The following FHIP1A variants were observed in gnomAD, a reference collection of about 807,000 sequenced individuals.
FHIP1A encodes FHF complex subunit HOOK interacting protein 1A.
Under a neutral mutation model 88.6 loss-of-function variants are expected in FHIP1A, and 61 were observed. That is an observed-to-expected ratio of 0.69 (90% CI 0.56 to 0.85). The LOEUF is 0.85. Among genes scored for constraint, FHIP1A ranks in the 40% least tolerant of loss-of-function variants. FHIP1A has a pLI of 0.00. For missense variants in FHIP1A, 1,154 were observed against 1,273.5 expected, an observed-to-expected ratio of 0.91 and a Z score of 1.43; for synonymous variants, 478 against 496.0, an observed-to-expected ratio of 0.96 and a Z score of 0.48.
At chr4:151,662,361 T>G in intron 13 of FHIP1A, 140 bp from the exon 14 acceptor site, 1 of 846,786 alleles carries the variant, frequency 1.2e-6, no homozygotes, top group Non-Finnish European at 1.7e-6. Context: ...GGCTGCATCT[T>G]CAGGATTTAG....
chr4:151,650,370 C>A lies in FHIP1A; in HGVS notation c.2329C>A (p.Pro777Thr). The change falls in exon 11 of 14, where the codon CCT becomes ACT. Residue 777 changes from proline (P) to threonine (T), a missense_variant. Physicochemically the swap from Pro to Thr is conservative, Grantham distance 38. Transcript: ENST00000435205. The part of the protein sequence containing the change: ...EGLMEQNYPT[P>T]DPLLLTKEEE... Reference sequence around the variant, plus strand: ...CTTGATGGAACAGAATTACCCCACACCTGATCCCTTGCTTCTCACTAAGGA... The same window carrying A: ...CTTGATGGAACAGAATTACCCCACAACTGATCCCTTGCTTCTCACTAAGGA... 1 of 1,551,658 alleles carries A rather than the reference C, an allele frequency of 6.4e-7. No homozygotes were observed. The highest frequency in any genetic ancestry group is 8.7e-7 in the Non-Finnish European group (1 of 1,146,990).
chr4:151,483,387 T>C (rs528837935), intron 3 of FHIP1A, among the ~76,000 whole-genome samples: 3 of 152,150 alleles, frequency 2.0e-5, no homozygotes, highest in African/African-American at 7.2e-5. Flanking sequence ...AATTTCATAT[T>C]AGTAGGCCTG....
chr4:151,481,743 C>A (rs1729902906), intron 2 of FHIP1A, among the ~76,000 whole-genome samples: 1 of 152,060 alleles, frequency 6.6e-6, no homozygotes, highest in Admixed American at 6.6e-5. Flanking sequence ...ATTGTGATAT[C>A]AAATAGTGGC....
chr4:151,549,356 A>G (rs62329087), intron 3 of FHIP1A, among the ~76,000 whole-genome samples: 44,057 of 151,888 alleles, frequency 0.29, 6,632 homozygotes, highest in Non-Finnish European at 0.34. Context: ...CTTTGAAGAG[A>G]AACTTGGGGT....
chr4:151,645,013 A>G (rs114737516), intron 9 of FHIP1A, among the ~76,000 whole-genome samples: 1,920 of 152,154 alleles, frequency 0.013, 38 homozygotes, highest in African/African-American at 0.044. Context: ...TGCAGCATTC[A>G]TTTTTCCTCA....
intron 3 of FHIP1A, among the ~76,000 whole-genome samples, chr4:151,489,183 C>T (rs559636320): frequency 2.6e-5 from 4 of 152,184 alleles, no homozygotes; most frequent in Non-Finnish European, 5.9e-5. Context: ...AAATCCAGCT[C>T]ACAGGAGAAG....
rs759620542 is a variant in FHIP1A at position 151,665,564 on chromosome 4, G to A, written c.*2810G>A. ...GAGAGTGGGTTATTTAGGGAGTGACGTGGACATGCCAAAGAAAAACAGCAG... is the reference window on the plus strand; with the variant it reads ...GAGAGTGGGTTATTTAGGGAGTGACATGGACATGCCAAAGAAAAACAGCAG... On this transcript the variant is annotated 3_prime_UTR_variant, in exon 14 of 14. Coordinates refer to ENST00000435205, the MANE Select transcript of FHIP1A (RefSeq NM_001109977.3). Among the ~76,000 whole-genome samples, 8 of 152,178 alleles carry A rather than the reference G, an allele frequency of 5.3e-5. No individual in the cohort carries two copies. The highest frequency in any genetic ancestry group is 1.9e-4 in the African/African-American group (8 of 41,434).
chr4:151,438,842 C>T (rs1728305020), intron 1 of FHIP1A, among the ~76,000 whole-genome samples: 1 of 151,814 alleles, frequency 6.6e-6, no homozygotes, highest in African/African-American at 2.4e-5. Context: ...TGGGGTCTTG[C>T]TGTGTTGCTC....
At chr4:151,564,508 G>A (rs1369869601) in intron 3 of FHIP1A, among the ~76,000 whole-genome samples, 10 of 152,180 alleles carry the variant, frequency 6.6e-5, no homozygotes, top group Admixed American at 5.9e-4. Flanking sequence ...CTGTGGGGAC[G>A]GGAGAATGCG....
At chr4:151,607,960 C>T (rs1735137417) in intron 7 of FHIP1A, among the ~76,000 whole-genome samples, 1 of 150,588 alleles carries the variant, frequency 6.6e-6, no homozygotes, top group African/African-American at 2.4e-5. Flanking sequence ...TGCTCCTTAA[C>T]ATACTTTTAC....
chr4:151,610,787 A>G (rs1735292733), intron 7 of FHIP1A, among the ~76,000 whole-genome samples: 1 of 152,182 alleles, frequency 6.6e-6, no homozygotes, highest in East Asian at 1.9e-4. Flanking sequence ...GCAGGCATAG[A>G]CAATAACTCT....
chr4:151,595,604 T>C (rs944836589), intron 7 of FHIP1A, among the ~76,000 whole-genome samples: 20 of 152,204 alleles, frequency 1.3e-4, no homozygotes, highest in African/African-American at 4.6e-4. Context: ...CTCATTGATC[T>C]GTCTAATATT....
intron 2 of FHIP1A, among the ~76,000 whole-genome samples, chr4:151,458,830 G>A (rs1354110512): frequency 4.6e-5 from 7 of 151,952 alleles, no homozygotes; most frequent in Admixed American, 6.6e-5. Flanking sequence ...CCACAGAGTC[G>A]CTTTTCTTGG....
intron 1 of FHIP1A, among the ~76,000 whole-genome samples, chr4:151,410,777 T>C (rs1164862403): frequency 6.6e-6 from 1 of 152,246 alleles, no homozygotes; most frequent in Non-Finnish European, 1.5e-5. Context: ...TACAGTATAC[T>C]TGTTGGCTTT....
chr4:151,558,446 A>T (rs1005249669), intron 3 of FHIP1A, among the ~76,000 whole-genome samples: 1 of 152,152 alleles, frequency 6.6e-6, no homozygotes, highest in Non-Finnish European at 1.5e-5. Flanking sequence ...GAGGCATGAG[A>T]ATCGCTTGAA....
chr4:151,543,723 A>G (rs1202665128), intron 3 of FHIP1A, among the ~76,000 whole-genome samples: 1 of 152,254 alleles, frequency 6.6e-6, no homozygotes, highest in Non-Finnish European at 1.5e-5. Flanking sequence ...CTGTCATTAA[A>G]TAATCTAAGT....
rs574074050 is a variant in FHIP1A at position 151,581,123 on chromosome 4, G to T, written c.732+3047G>T. ...ATCTGCCCGCCCAGCCTCCCAAAAT[G>T]CTGGGATTACAGGCATGAGCCACTG... On this transcript the variant is annotated intron_variant, in intron 5 of 13. Transcript: ENST00000435205. 6.1e-4 allele frequency among the ~76,000 whole-genome samples: 93 copies of T among 152,292 alleles called. No homozygotes were observed. In the Middle Eastern group the frequency reaches 0.017, roughly 28 times the overall value.
chr4:151,559,196 C>A (rs1733074063), intron 3 of FHIP1A, among the ~76,000 whole-genome samples: 1 of 152,168 alleles, frequency 6.6e-6, no homozygotes, highest in Admixed American at 6.5e-5. Context: ...CAGGTACTTT[C>A]CTTTCATATT....
At chr4:151,453,123 T>C (rs1728852341) in intron 1 of FHIP1A, among the ~76,000 whole-genome samples, 2 of 151,928 alleles carry the variant, frequency 1.3e-5, no homozygotes. Context: ...TTCAAGCGAT[T>C]CTCTTGTCTC....
Sources: allele counts gnomAD v4.1 joint callset (sites outside exome capture counted in the v4.1 genomes callset), GRCh38; gene constraint gnomAD v4.1.1; transcripts MANE v1.5; gene names NCBI Gene and HGNC (gene_info 2026-07-23, HGNC 2026-07-21).